Variants in ESR2 observed in about 807,000 individuals in gnomAD.
ESR2 encodes estrogen receptor beta.
A neutral mutation model predicts 49.6 loss-of-function variants in ESR2; 36 were observed. That is an observed-to-expected ratio of 0.73 (90% CI 0.56 to 0.96). ESR2 has a LOEUF of 0.96. Ranked by LOEUF, ESR2 falls within the 40% of genes least tolerant of loss-of-function variation. The pLI, the probability that ESR2 is intolerant of heterozygous loss-of-function variation, is 0.00. For missense variants in ESR2, 714 were observed against 693.0 expected (o/e 1.03, Z -0.34); for synonymous variants, 320 against 266.1 (o/e 1.20, Z -1.97).
In ESR2 at chr14:64,233,288, C is replaced by T; in HGVS notation, c.1442G>A (p.Cys481Tyr). 1 of 1,614,120 alleles carries T rather than the reference C, an allele frequency of 6.2e-7. No individual in the cohort carries two copies. Among genetic ancestry groups the T allele is most frequent in the Non-Finnish European group, 8.5e-7 (1 of 1,179,966 alleles). The stretch of plus-strand genomic sequence containing the variant: ...GTCATACACTGGGACCACATTTTTG[C>T]ACTTCATGTTGAGCAGATGTTCCAT... ...KGMEHLLNMK[C>Y]KNVVPVYDLL... Residue 481 changes from cysteine to tyrosine, a missense_variant, in exon 9 of 9, where the codon TGC becomes TAC. Transcript: ENST00000341099.
Position 64,273,785 on chromosome 14 carries a change from C to T in ESR2, c.536-4874G>A, listed in dbSNP as rs569646909. ...TGATGTTTCTTTGGTTCTGGTATCA[C>T]GGTAATACTGGTCTCACGGAATGAT... On this transcript the variant is annotated intron_variant, in intron 3 of 8. Transcript: ENST00000341099. 1.2e-4 allele frequency among the ~76,000 whole-genome samples: 19 copies of T among 152,216 alleles called. No individual in the cohort carries two copies. The South Asian group carries it at 1.7e-3, about 13-fold the overall frequency.
intron 1 of ESR2, among the ~76,000 whole-genome samples, chr14:64,290,327 T>C (rs2076850756): frequency 6.6e-6 from 1 of 152,290 alleles, no homozygotes; most frequent in South Asian, 2.1e-4. Context: ...CACCTCGGCC[T>C]CCCAAAGTGC....
Position 64,246,734 on chromosome 14 carries a change from C to CAAAAAAAAAAAAAAAAAAAAAAAAAAAA in ESR2, c.1225+2784_1225+2811dup, listed in dbSNP as rs71123836. ...CCTGGCCAACACAGGAAGACTCTGT[C>CAAAAAAAAAAAAAAAAAAAAAAAAAAAA]AAAAAAAAAAAAAAAAAAAAAAAAA... On this transcript the variant is annotated intron_variant, in intron 7 of 8. Coordinates refer to ENST00000341099, the MANE Select transcript of ESR2 (RefSeq NM_001437.3). 5.5e-5 allele frequency among the ~76,000 whole-genome samples: 2 copies of CAAAAAAAAAAAAAAAAAAAAAAAAAAAA among 36,432 alleles called. 1 individual carries two copies. Among genetic ancestry groups the CAAAAAAAAAAAAAAAAAAAAAAAAAAAA allele is most frequent in the African/African-American group, 2.5e-4 (2 of 7,852 alleles). The allele number at this position is 36,432 out of a possible 152,430, so 23.9% of individuals were successfully genotyped here.
chr14:64,269,667 C>T (rs901741369), intron 3 of ESR2, among the ~76,000 whole-genome samples: 1 of 152,136 alleles, frequency 6.6e-6, no homozygotes, highest in Admixed American at 6.5e-5. Flanking sequence ...TGACCTCCCA[C>T]AAAAGCCCAG....
chr14:64,263,173 T>G lies in ESR2; in HGVS notation c.653-2425A>C, dbSNP rs189292509. ...CTAGACATAGATTAGGTGTAAGAGA[T>G]ATACCTAACATATAGAAAAACAAAG... On this transcript the variant is annotated intron_variant, in intron 4 of 8. Coordinates refer to ENST00000341099, the MANE Select transcript of ESR2 (RefSeq NM_001437.3). 2.0e-4 allele frequency among the ~76,000 whole-genome samples: 30 copies of G among 152,288 alleles called. No homozygotes were observed. The East Asian group carries it at 5.8e-3, about 29-fold the overall frequency.
chr14:64,287,244 C>G (rs2076799013), intron 1 of ESR2, among the ~76,000 whole-genome samples: 1 of 152,168 alleles, frequency 6.6e-6, no homozygotes, highest in African/African-American at 2.4e-5. Context: ...AGCCTACATT[C>G]TGTCTCTATG....
Position 64,280,108 on chromosome 14 carries a change from A to G in ESR2, c.408T>C (p.Pro136=). ...RKVSGNRCAS[P]VTGPGSKRDA... is the part of the protein sequence containing the mutation. ...CCCTCTTTGAACCTGGACCAGTAAC[A>G]GGGCTGGCGCAACGGTTCCCACTAA... The change falls in exon 3 of 9, where the codon CCT becomes CCC. Residue 136 remains proline (P), a synonymous_variant. Transcript: ENST00000341099. 1 of 1,614,188 alleles carries G rather than the reference A, an allele frequency of 6.2e-7. No homozygotes were observed. The highest frequency in any genetic ancestry group is 8.5e-7 in the Non-Finnish European group (1 of 1,179,994).
chr14:64,308,377 C>T (rs2077138690), intron 1 of ESR2, among the ~76,000 whole-genome samples: 1 of 152,136 alleles, frequency 6.6e-6, no homozygotes, highest in Non-Finnish European at 1.5e-5. Flanking sequence ...TATTGTATCT[C>T]ACAAGTTTTA....
At chr14:64,234,836 C>G (rs575039123) in intron 8 of ESR2, 134 bp downstream of exon 8, 2 of 1,474,606 alleles carry the variant, frequency 1.4e-6, no homozygotes, top group Non-Finnish European at 1.8e-6. Context: ...GGTGTGTGAA[C>G]TGACAAATTC....
rs143810286 is a variant in ESR2, at chr14:64,331,235, T to C, written c.-91+6663A>G. 9.0e-3 allele frequency among the ~76,000 whole-genome samples: 1,371 copies of C among 152,258 alleles called. 19 individuals carry two copies. The highest frequency in any genetic ancestry group is 9.1e-3 in the Non-Finnish European group (621 of 68,024). Reference sequence around the variant, plus strand: ...CTAGCTATGTTAATATCAGACAACCTAGACTATAGGGCAAAAAGTATTACA... The same window carrying C: ...CTAGCTATGTTAATATCAGACAACCCAGACTATAGGGCAAAAAGTATTACA... On this transcript the variant is annotated intron_variant, in intron 1 of 8. Coordinates refer to the ESR2 transcript ENST00000358599.
At chr14:64,336,808 A>G (rs1352602248) in intron 1 of ESR2, 1 of 152,150 alleles carries the variant, frequency 6.6e-6, no homozygotes, top group Non-Finnish European at 1.5e-5. Flanking sequence ...CCTTATTTCA[A>G]TTCAGTAAAT....
intron 4 of ESR2, among the ~76,000 whole-genome samples, chr14:64,265,244 T>G (rs2076304525): frequency 6.6e-6 from 1 of 152,192 alleles, no homozygotes. Context: ...TAGGCAGTGG[T>G]AAATAGCCCC....
intron 7 of ESR2, among the ~76,000 whole-genome samples, chr14:64,243,043 T>G (rs2075772409): frequency 6.6e-6 from 1 of 152,212 alleles, no homozygotes; most frequent in African/African-American, 2.4e-5. Flanking sequence ...CCTGCTCCCA[T>G]GATTCAATCA....
At chr14:64,259,098 A>T (rs1376829463) in intron 5 of ESR2, among the ~76,000 whole-genome samples, 2 of 152,212 alleles carry the variant, frequency 1.3e-5, no homozygotes, top group Non-Finnish European at 2.9e-5. Flanking sequence ...TGTTTGGAAT[A>T]CATTTAAAGC....
At chr14:64,242,644 A>G (rs1029467271) in intron 7 of ESR2, among the ~76,000 whole-genome samples, 5 of 151,900 alleles carry the variant, frequency 3.3e-5, no homozygotes, top group Non-Finnish European at 5.9e-5. Flanking sequence ...TTGCTTATAC[A>G]TGCATGAGGG....
At chr14:64,299,040 G>C (rs1596472358), upstream of ESR2, among the ~76,000 whole-genome samples, 1 of 150,406 alleles carries the variant, frequency 6.6e-6, no homozygotes. Context: ...GCGGCAAATT[G>C]TAATATGCAA....
chr14:64,239,481 TTAAA>T (rs1468634068), intron 7 of ESR2, among the ~76,000 whole-genome samples: 2 of 152,224 alleles, frequency 1.3e-5, no homozygotes, highest in Non-Finnish European at 2.9e-5. Context: ...TTAAAACTGT[TTAAA>T]TAGACTTGTT....
In ESR2 at chr14:64,249,512, C is replaced by A. The variant is rs775455013; in HGVS notation, c.1225+34G>T. 7 of 1,604,432 alleles carry A rather than the reference C, an allele frequency of 4.4e-6. No homozygotes were observed. In the Admixed American group the frequency reaches 1.2e-4, roughly 28 times the overall value. ...TAGTTGTAGAAACAGCATCTCTCCC[C>A]GATAAAACATGGCCCAGCTGTGTGA... On this transcript the variant is annotated intron_variant, in intron 7 of 8. Coordinates refer to ENST00000341099, the MANE Select transcript of ESR2 (RefSeq NM_001437.3).
chr14:64,260,646 GCGTGGCCGCCA>G lies in ESR2; in HGVS notation c.744_754del (p.Gly249AlafsTer24). On this transcript the variant is annotated frameshift_variant, in exon 5 of 9. Coordinates refer to ENST00000341099, the MANE Select transcript of ESR2 (RefSeq NM_001437.3). LOFTEE classifies it high-confidence loss of function. ...CAGCAGCAGCTCCCGCACTCGGGGC[GCGTGGCCGCCA>G]CTTCTCTTGGCCTTGCCGGCACAGT... The G allele has an allele frequency of 3.1e-6, 5 of 1,608,040 alleles. No homozygotes were observed. The highest frequency in any genetic ancestry group is 1.7e-4 in the Middle Eastern group (1 of 6,024).
Sources: gnomAD v4.1 joint callset for allele counts (sites outside exome capture counted in the v4.1 genomes callset) on GRCh38, gnomAD v4.1.1 for gene constraint, MANE v1.5 for transcripts, NCBI Gene and HGNC (gene_info 2026-07-23, HGNC 2026-07-21) for gene names.